TRIO: variants seen among roughly 807,000 people sequenced by gnomAD.
TRIO encodes the protein triple functional domain protein.
TRIO carries 58 observed loss-of-function variants against 351.9 expected under a neutral mutation model. That is an observed-to-expected ratio of 0.16 (90% CI 0.13 to 0.21). The LOEUF (loss-of-function observed/expected upper bound fraction) is 0.21. Ranked by LOEUF, TRIO falls within the 10% of genes least tolerant of loss-of-function variation. TRIO has a pLI of 1.00. For synonymous variants in TRIO, 1,758 were observed against 1,595.7 expected (o/e 1.10, Z -2.42); for missense variants, 3,201 against 4,027.8 (o/e 0.79, Z 5.56).
intron 1 of TRIO, among the ~76,000 whole-genome samples, chr5:14,152,848 C>G (rs1308975282): frequency 6.6e-6 from 1 of 152,226 alleles, no homozygotes; most frequent in Non-Finnish European, 1.5e-5. Flanking sequence ...GAGAGCAGCT[C>G]TTCATGGCAG....
At chr5:14,304,126 C>T (rs569344152) in intron 7 of TRIO, among the ~76,000 whole-genome samples, 2 of 152,236 alleles carry the variant, frequency 1.3e-5, no homozygotes, top group East Asian at 3.9e-4. Flanking sequence ...CAGTTAGAAA[C>T]GTGGATTCAA....
chr5:14,366,230 T>C (rs906157392), intron 15 of TRIO, among the ~76,000 whole-genome samples: 2 of 152,144 alleles, frequency 1.3e-5, no homozygotes, highest in Non-Finnish European at 2.9e-5. Context: ...ATAGGTATTA[T>C]ATAGGTTACT....
chr5:14,394,781 T>C (rs1747419792), intron 28 of TRIO, among the ~76,000 whole-genome samples: 1 of 152,218 alleles, frequency 6.6e-6, no homozygotes, highest in Non-Finnish European at 1.5e-5. Context: ...CAATAGTGAT[T>C]AGTCTTGACA....
intron 11 of TRIO, among the ~76,000 whole-genome samples, chr5:14,357,764 A>G (rs1436010762): frequency 6.6e-6 from 1 of 152,024 alleles, no homozygotes; most frequent in Non-Finnish European, 1.5e-5. Context: ...AAATTGAAAT[A>G]CAAGTGTCCA....
At chr5:14,346,954 G>A (rs950135391) in intron 11 of TRIO, among the ~76,000 whole-genome samples, 10 of 152,254 alleles carry the variant, frequency 6.6e-5, no homozygotes, top group African/African-American at 2.2e-4. Context: ...AGGAAGTCAC[G>A]TCCAGTCTGG....
At chr5:14,360,200 C>T (rs1035248560) in intron 13 of TRIO, among the ~76,000 whole-genome samples, 1 of 152,318 alleles carries the variant, frequency 6.6e-6, no homozygotes, top group African/African-American at 2.4e-5. Flanking sequence ...CTTACCTAAA[C>T]GTGGACTTTT....
chr5:14,468,267 C>G (rs1754419032), intron 37 of TRIO, among the ~76,000 whole-genome samples: 2 of 152,220 alleles, frequency 1.3e-5, no homozygotes, highest in South Asian at 4.1e-4. Context: ...CTGCTCACTT[C>G]AGTGGGCATA....
At chr5:14,244,247 C>T (rs917067430) in intron 1 of TRIO, among the ~76,000 whole-genome samples, 1 of 151,946 alleles carries the variant, frequency 6.6e-6, no homozygotes, top group Non-Finnish European at 1.5e-5. Context: ...TTGAAGTTGC[C>T]AGTTTCGGGA....
At chr5:14,239,656 A>G (rs556774691) in intron 1 of TRIO, among the ~76,000 whole-genome samples, 2 of 152,290 alleles carry the variant, frequency 1.3e-5, no homozygotes, top group East Asian at 1.9e-4. Flanking sequence ...GCAGAACTGA[A>G]TTCTGATCAG....
At chr5:14,177,180 G>A (rs6881595) in intron 1 of TRIO, among the ~76,000 whole-genome samples, 6 of 152,184 alleles carry the variant, frequency 3.9e-5, no homozygotes, top group Non-Finnish European at 5.9e-5. Context: ...GAATTCACTT[G>A]AGTGTTGAAA....
chr5:14,173,555 C>T (rs982216708), intron 1 of TRIO, among the ~76,000 whole-genome samples: 3 of 152,054 alleles, frequency 2.0e-5, no homozygotes, highest in Non-Finnish European at 4.4e-5. Flanking sequence ...ATAAAAATCA[C>T]CTTGTCTTCA....
At position 14,358,212 on chromosome 5, in the gene TRIO, T is replaced by C; in HGVS notation, c.2081T>C (p.Leu694Pro). The C allele has an allele frequency of 1.2e-6, 2 of 1,613,898 alleles. No individual in the cohort carries two copies. Among genetic ancestry groups the C allele is most frequent in the Non-Finnish European group, 1.7e-6 (2 of 1,179,794 alleles). ...WTWLEELQKE[L>P]LDDVYAESVE... The stretch of plus-strand genomic sequence containing the variant: ...TGGCTGGAGGAGCTGCAGAAGGAGC[T>C]GCTGGACGACGTGTATGCCGAGTCG... Residue 694 changes from leucine to proline, a missense_variant, in exon 12 of 57, where the codon CTG becomes CCG. Physicochemically the swap from Leu to Pro is moderately conservative, Grantham distance 98. This residue lies in a region of TRIO where 363 missense variants were observed against 553.5 expected (regional missense o/e 0.66). Transcript: ENST00000344204.
intron 1 of TRIO, among the ~76,000 whole-genome samples, chr5:14,192,317 AGGT>A (rs1314036049): frequency 6.7e-6 from 1 of 148,714 alleles, no homozygotes; most frequent in African/African-American, 2.5e-5. Flanking sequence ...TGGGATGCAG[AGGT>A]GTAATCTTGG....
intron 26 of TRIO, 39 bp from the exon 27 acceptor site, chr5:14,390,862 T>C (rs370407818): frequency 4.7e-5 from 73 of 1,551,692 alleles, no homozygotes; most frequent in Non-Finnish European, 6.3e-5. Context: ...CGTTGACTTG[T>C]TATGATTTAA....
chr5:14,466,487 A>G (rs1183528296), intron 37 of TRIO: 2 of 152,262 alleles, frequency 1.3e-5, no homozygotes, highest in African/African-American at 4.8e-5. Context: ...TTTGAAGTTA[A>G]GACAGGCATG....
chr5:14,188,919 C>G (rs26134), intron 1 of TRIO, among the ~76,000 whole-genome samples: 102,717 of 152,104 alleles, frequency 0.68, 36,763 homozygotes, highest in East Asian at 0.96. Context: ...AGCCCATACA[C>G]TTGTGTGCAC....
chr5:14,381,326 C>A, intron 21 of TRIO, 74 bp downstream of exon 21: 1 of 1,500,282 alleles, frequency 6.7e-7, no homozygotes, highest in South Asian at 1.4e-5. Flanking sequence ...TAAAGAAATA[C>A]CTCATGAGAT....
At chr5:14,281,562 G>A (rs1581519239) in intron 3 of TRIO, among the ~76,000 whole-genome samples, 1 of 152,054 alleles carries the variant, frequency 6.6e-6, no homozygotes, top group Non-Finnish European at 1.5e-5. Context: ...AATTGTTGCA[G>A]TTATATTCTG....
intron 1 of TRIO, among the ~76,000 whole-genome samples, chr5:14,162,255 G>T (rs1008452537): frequency 5.3e-5 from 8 of 152,174 alleles, no homozygotes. Context: ...TTCCTGCTCT[G>T]TGAACATACT....
Sources: gnomAD v4.1 joint callset for allele counts (sites outside exome capture counted in the v4.1 genomes callset) on GRCh38, gnomAD v4.1.1 for gene constraint, gnomAD v4.1.1 regional missense constraint, MANE v1.5 for transcripts, NCBI Gene and HGNC (gene_info 2026-07-23, HGNC 2026-07-21) for gene names.